Variants in NAV3 observed in about 807,000 individuals in gnomAD.
NAV3 encodes pore membrane and/or filament interacting like protein 1.
In NAV3, 87 loss-of-function variants were observed where a neutral mutation model predicts 244.7. The observed-to-expected ratio is 0.36, with a 90% CI of 0.30 to 0.42. The LOEUF is 0.42. NAV3 is among the 20% of genes least tolerant of loss of function. NAV3 has a pLI of 1.00. For synonymous variants in NAV3, 1,126 were observed against 1,042.2 expected (o/e 1.08, Z -1.55); for missense variants, 2,663 against 2,893.3 (o/e 0.92, Z 1.83).
rs549077421 is a variant in NAV3 at position 78,179,694 on chromosome 12, A to C, written c.5517+12A>C. The C allele has an allele frequency of 8.7e-5, 139 of 1,600,458 alleles. No individual in the cohort carries two copies. In the Middle Eastern group the frequency reaches 1.5e-3, roughly 17 times the overall value. On this transcript the variant is annotated intron_variant, in intron 29 of 39. Transcript: ENST00000397909. ...TGAACCGGATGCAGGTTGGTACTGA[A>C]GCACTTTCAAGGAATAAAATGGAGA...
intron 2 of NAV3, among the ~76,000 whole-genome samples, chr12:77,614,253 C>A (rs1434419892): frequency 2.0e-5 from 3 of 151,768 alleles, no homozygotes; most frequent in African/African-American, 7.3e-5. Flanking sequence ...AAAATGGACC[C>A]AGACATTGCC....
chr12:77,664,392 T>G (rs1243835061), intron 2 of NAV3, among the ~76,000 whole-genome samples: 1 of 152,194 alleles, frequency 6.6e-6, no homozygotes, highest in African/African-American at 2.4e-5. Context: ...TGGCTAAATA[T>G]TCAATAGGTT....
intron 2 of NAV3, among the ~76,000 whole-genome samples, chr12:77,576,943 A>G (rs1565721728): frequency 6.6e-6 from 1 of 152,058 alleles, no homozygotes; most frequent in East Asian, 1.9e-4. Flanking sequence ...ACATCGTATC[A>G]TTTATTATCA....
chr12:77,731,669 C>T (rs774851128), intron 2 of NAV3, among the ~76,000 whole-genome samples: 18 of 151,822 alleles, frequency 1.2e-4, no homozygotes, highest in African/African-American at 2.9e-4. Flanking sequence ...TTCAAGAAGA[C>T]GGAGCTAAAA....
chr12:77,604,481 G>T (rs551733631), intron 2 of NAV3, among the ~76,000 whole-genome samples: 2 of 151,840 alleles, frequency 1.3e-5, no homozygotes, highest in Non-Finnish European at 2.9e-5. Context: ...CTAGACCAGG[G>T]TCTGGCACAG....
chr12:77,917,310 T>C lies in NAV3; in HGVS notation c.244-23009T>C, dbSNP rs572530490. On this transcript the variant is annotated intron_variant, in intron 1 of 39. Transcript: ENST00000397909. The stretch of plus-strand genomic sequence containing the variant: ...AAGGTATGAATTACCAGAACCAGGA[T>C]TGCAGCCTAAGTAAGCTGTCTCCAG... 3.9e-5 allele frequency among the ~76,000 whole-genome samples: 6 copies of C among 152,096 alleles called. No homozygotes were observed. In the South Asian group the frequency reaches 6.2e-4, roughly 16 times the overall value.
intron 2 of NAV3, among the ~76,000 whole-genome samples, chr12:77,678,229 T>G (rs1346499812): frequency 2.0e-5 from 3 of 152,184 alleles, no homozygotes; most frequent in African/African-American, 7.2e-5. Context: ...AGTAATGTTA[T>G]ATTTTAAAAA....
intron 1 of NAV3, among the ~76,000 whole-genome samples, chr12:77,935,896 G>A (rs932808961): frequency 6.6e-6 from 1 of 152,150 alleles, no homozygotes; most frequent in African/African-American, 2.4e-5. Context: ...CAGATCTCAT[G>A]AGAACTCTAT....
At chr12:78,073,419 A>G (rs1372912420) in intron 12 of NAV3, among the ~76,000 whole-genome samples, 1 of 151,626 alleles carries the variant, frequency 6.6e-6, no homozygotes, top group Non-Finnish European at 1.5e-5. Flanking sequence ...CCAAATCATG[A>G]GTGAACTCCC....
At chr12:78,118,528 G>A (rs1172267784) in intron 14 of NAV3, among the ~76,000 whole-genome samples, 4 of 152,190 alleles carry the variant, frequency 2.6e-5, no homozygotes, top group East Asian at 3.9e-4. Flanking sequence ...ATAAACTAGG[G>A]GTACTGGATG....
intron 1 of NAV3, among the ~76,000 whole-genome samples, chr12:77,873,679 G>A (rs1233686352): frequency 9.3e-6 from 1 of 107,290 alleles, no homozygotes; most frequent in Non-Finnish European, 1.9e-5. Context: ...ATTTGTATGT[G>A]TATATATATA....
At position 77,831,401 on chromosome 12, in the gene NAV3, T is replaced by C. The variant is rs1422085253; in HGVS notation, c.-61T>C. The C allele has an allele frequency of 1.4e-6, 2 of 1,468,034 alleles. No individual in the cohort carries two copies. The highest frequency in any genetic ancestry group is 2.8e-5 in the African/African-American group (2 of 70,606). The allele number at this position is 1,468,034 out of a possible 1,614,324, so 90.9% of individuals were successfully genotyped here. On this transcript the variant is annotated 5_prime_UTR_variant, in exon 1 of 40. Transcript: ENST00000397909. ...TGTTCTGGAAATACTAAAGTTGGAG[T>C]CTACCAGACTGAGGTTAGAAGCATT... is the stretch of plus-strand genomic sequence containing the variant.
intron 2 of NAV3, among the ~76,000 whole-genome samples, chr12:77,773,406 T>TA (rs1239192616): frequency 6.6e-6 from 1 of 152,226 alleles, no homozygotes; most frequent in African/African-American, 2.4e-5. Context: ...TTGTGACTGT[T>TA]ATACATTTTA....
At chr12:78,075,550 G>T (rs1449109760) in intron 12 of NAV3, among the ~76,000 whole-genome samples, 2 of 152,124 alleles carry the variant, frequency 1.3e-5, no homozygotes, top group Non-Finnish European at 2.9e-5. Flanking sequence ...GATAGGATTT[G>T]GGGGTTATGG....
chr12:77,925,402 T>A (rs551952717), intron 1 of NAV3, among the ~76,000 whole-genome samples: 23 of 152,304 alleles, frequency 1.5e-4, no homozygotes, highest in Non-Finnish European at 3.1e-4. Context: ...ATGTTTTCTG[T>A]TTTTATTTTT....
In NAV3 at chr12:78,133,673, T is replaced by C. The variant is rs138649695; in HGVS notation, c.4442-3504T>C. ...TCATATTTAGTAGACTACTGTGAGC[T>C]ACTGCCACAGTAAACTATGGTTCGT... On this transcript the variant is annotated intron_variant, in intron 18 of 39. Transcript: ENST00000397909. Among the ~76,000 whole-genome samples the C allele has an allele frequency of 9.1e-3, 1,391 of 152,250 alleles. 37 individuals carry two copies. Among genetic ancestry groups the C allele is most frequent in the East Asian group, 0.025 (130 of 5,176 alleles).
chr12:77,637,255 T>C (rs1334268146), intron 2 of NAV3, among the ~76,000 whole-genome samples: 1 of 151,946 alleles, frequency 6.6e-6, no homozygotes, highest in Non-Finnish European at 1.5e-5. Context: ...CAGCAAAAAA[T>C]TGACCATAGA....
At chr12:78,137,057 G>A (rs552996190) in intron 18 of NAV3, 120 bp from the exon 19 acceptor site, 76 of 849,974 alleles carry the variant, frequency 8.9e-5, no homozygotes, top group African/African-American at 1.9e-4. Context: ...ACCTTAAATA[G>A]GGACTCACTA....
intron 1 of NAV3, among the ~76,000 whole-genome samples, chr12:77,920,096 C>T (rs751670367): frequency 1.3e-5 from 2 of 151,882 alleles, no homozygotes; most frequent in South Asian, 2.1e-4. Flanking sequence ...GTTAATAATC[C>T]GGGTTCTGGC....
Sources: allele counts gnomAD v4.1 joint callset (sites outside exome capture counted in the v4.1 genomes callset), GRCh38; gene constraint gnomAD v4.1.1; transcripts MANE v1.5; gene names NCBI Gene and HGNC (gene_info 2026-07-23, HGNC 2026-07-21).